Variants in MAGI1 observed in about 807,000 individuals in gnomAD.
The protein encoded by MAGI1 is membrane-associated guanylate kinase, WW and PDZ domain-containing protein 1.
MAGI1 carries 58 observed loss-of-function variants against 139.9 expected under a neutral mutation model. The ratio of observed to expected loss-of-function variants is 0.41; its 90% CI spans 0.34 to 0.52. The LOEUF is 0.52. Among genes scored for constraint, MAGI1 ranks in the 20% least tolerant of loss-of-function variants. MAGI1 has a pLI of 0.12. For missense variants in MAGI1, 1,874 were observed against 1,901.6 expected (o/e 0.99, Z 0.27); for synonymous variants, 812 against 737.9 (o/e 1.10, Z -1.63).
chr3:65,847,829 C>A (rs73832976), intron 1 of MAGI1, among the ~76,000 whole-genome samples: 7,103 of 152,300 alleles, frequency 0.047, 564 homozygotes, highest in African/African-American at 0.16. Context: ...CTCAGCCTAA[C>A]TAAGGAATTT....
At chr3:65,959,041 G>A (rs2064278530) in intron 1 of MAGI1, among the ~76,000 whole-genome samples, 1 of 151,254 alleles carries the variant, frequency 6.6e-6, no homozygotes, top group Non-Finnish European at 1.5e-5. Flanking sequence ...AGAGTAGAAA[G>A]AATTGTGGTG....
intron 2 of MAGI1, among the ~76,000 whole-genome samples, chr3:65,583,412 T>C (rs2081530740): frequency 6.6e-6 from 1 of 152,032 alleles, no homozygotes; most frequent in Non-Finnish European, 1.5e-5. Flanking sequence ...CAGGATAGAG[T>C]TACCCTGTCT....
intron 1 of MAGI1, among the ~76,000 whole-genome samples, chr3:65,855,619 G>A (rs1575723085): frequency 8.3e-6 from 1 of 120,998 alleles, no homozygotes; most frequent in African/African-American, 3.5e-5. Flanking sequence ...AGATGGGGAG[G>A]AGAGAGGGGA....
At chr3:65,699,813 C>G (rs150760448) in intron 1 of MAGI1, among the ~76,000 whole-genome samples, 14,809 of 149,418 alleles carry the variant, frequency 0.099, 948 homozygotes, top group African/African-American at 0.17. Flanking sequence ...ACCAGCATGG[C>G]ACATGTATAC....
chr3:65,565,739 C>G (rs987189393), intron 2 of MAGI1, among the ~76,000 whole-genome samples: 2 of 151,710 alleles, frequency 1.3e-5, no homozygotes, highest in African/African-American at 4.8e-5. Context: ...CACCTATAAT[C>G]CCAGCTACTC....
At chr3:65,515,297 C>G (rs929225967) in intron 2 of MAGI1, among the ~76,000 whole-genome samples, 3 of 151,438 alleles carry the variant, frequency 2.0e-5, no homozygotes, top group African/African-American at 7.3e-5. Flanking sequence ...TACCCTAAAA[C>G]TTAAAGTATA....
intron 1 of MAGI1, among the ~76,000 whole-genome samples, chr3:65,855,061 T>C (rs781666348): frequency 2.0e-5 from 3 of 152,150 alleles, no homozygotes; most frequent in Non-Finnish European, 2.9e-5. Flanking sequence ...ACCTGAAGCA[T>C]AAAAATTATT....
In MAGI1 at chr3:65,364,838, C is replaced by A. The variant is rs763743476; in HGVS notation, c.3290+15G>T. ...CTTTTTTCCCCTTTAACAAAGGAAA[C>A]CAGTCATGTCTGACCTTGTCTCCTG... On this transcript the variant is annotated intron_variant, in intron 19 of 22. Coordinates refer to ENST00000402939, the MANE Select transcript of MAGI1 (RefSeq NM_001033057.2). 1.2e-6 allele frequency: 2 copies of A among 1,613,622 alleles called. No homozygotes were observed. Among genetic ancestry groups the A allele is most frequent in the East Asian group, 2.2e-5 (1 of 44,880 alleles).
At chr3:65,983,195 A>G (rs1157856009) in intron 1 of MAGI1, among the ~76,000 whole-genome samples, 1 of 152,242 alleles carries the variant, frequency 6.6e-6, no homozygotes, top group Admixed American at 6.5e-5. Flanking sequence ...GACACATCAT[A>G]AAGTAAAACT....
chr3:65,754,151 T>G (rs1289217194), intron 1 of MAGI1, among the ~76,000 whole-genome samples: 1 of 152,122 alleles, frequency 6.6e-6, no homozygotes, highest in African/African-American at 2.4e-5. Context: ...TAGTGACTTT[T>G]TACCAATGAT....
At chr3:65,424,815 T>C (rs939345430) in intron 12 of MAGI1, among the ~76,000 whole-genome samples, 72 of 152,312 alleles carry the variant, frequency 4.7e-4, no homozygotes, top group African/African-American at 1.7e-3. Context: ...GAAGGGACCG[T>C]AGAGGCAGAA....
At chr3:66,014,507 CA>C (rs1405258082) in intron 1 of MAGI1, among the ~76,000 whole-genome samples, 2 of 152,174 alleles carry the variant, frequency 1.3e-5, no homozygotes, top group African/African-American at 4.8e-5. Flanking sequence ...TATAATTTTT[CA>C]ACCACCCACA....
chr3:65,725,979 C>T (rs1235383310), intron 1 of MAGI1, among the ~76,000 whole-genome samples: 2 of 152,264 alleles, frequency 1.3e-5, no homozygotes, highest in South Asian at 2.1e-4. Flanking sequence ...AAAGGGTTAA[C>T]AGTCTAGTTG....
chr3:65,630,232 C>A (rs1001819130), intron 1 of MAGI1, among the ~76,000 whole-genome samples: 1 of 152,170 alleles, frequency 6.6e-6, no homozygotes, highest in Non-Finnish European at 1.5e-5. Flanking sequence ...TACAGAGCCC[C>A]TGAGCAGCAG....
chr3:66,009,560 T>C (rs2067214898), intron 1 of MAGI1, among the ~76,000 whole-genome samples: 1 of 151,998 alleles, frequency 6.6e-6, no homozygotes, highest in Admixed American at 6.6e-5. Context: ...GTTCTACCCC[T>C]GACTACCTAC....
At chr3:65,858,570 C>T (rs926814898) in intron 1 of MAGI1, among the ~76,000 whole-genome samples, 1 of 152,180 alleles carries the variant, frequency 6.6e-6, no homozygotes, top group Non-Finnish European at 1.5e-5. Flanking sequence ...AATGAAGATT[C>T]TTTTCCTTTT....
intron 2 of MAGI1, among the ~76,000 whole-genome samples, chr3:65,543,760 G>T (rs113722510): frequency 5.9e-5 from 9 of 151,850 alleles, no homozygotes; most frequent in South Asian, 2.1e-4. Context: ...AGGGATGGGG[G>T]GGGGTACAAG....
intron 1 of MAGI1, among the ~76,000 whole-genome samples, chr3:65,669,856 T>C (rs2086749176): frequency 1.3e-5 from 2 of 152,216 alleles, no homozygotes; most frequent in South Asian, 2.1e-4. Context: ...TGTTGGTTAT[T>C]ATTTGTGCTG....
intron 1 of MAGI1, among the ~76,000 whole-genome samples, chr3:65,812,379 A>T (rs1489312168): frequency 1.3e-5 from 2 of 151,792 alleles, no homozygotes; most frequent in Admixed American, 6.6e-5. Flanking sequence ...CACTGCTGTG[A>T]CCCTAAATAC....
Sources: gnomAD v4.1 joint callset for allele counts (sites outside exome capture counted in the v4.1 genomes callset) on GRCh38, gnomAD v4.1.1 for gene constraint, MANE v1.5 for transcripts, NCBI Gene and HGNC (gene_info 2026-07-23, HGNC 2026-07-21) for gene names.